Variants in ENOX1 observed in about 807,000 individuals in gnomAD.
The protein encoded by ENOX1 is candidate growth-related and time keeping constitutive hydroquinone (NADH) oxidase.
A neutral mutation model predicts 82.5 loss-of-function variants in ENOX1; 42 were observed. That is an observed-to-expected ratio of 0.51 (90% CI 0.40 to 0.66). ENOX1 has a LOEUF of 0.66. Ranked by LOEUF, ENOX1 falls within the 30% of genes least tolerant of loss-of-function variation. ENOX1 has a pLI of 0.00. For synonymous variants in ENOX1, 271 were observed against 282.2 expected, an observed-to-expected ratio of 0.96 and a Z score of 0.40; for missense variants, 608 against 811.6, an observed-to-expected ratio of 0.75 and a Z score of 3.05.
intron 1 of ENOX1, among the ~76,000 whole-genome samples, chr13:43,693,712 T>C (rs2086490147): frequency 6.6e-6 from 1 of 152,122 alleles, no homozygotes; most frequent in Non-Finnish European, 1.5e-5. Context: ...CATGCACAGG[T>C]TACCAGGACA....
intron 2 of ENOX1, among the ~76,000 whole-genome samples, chr13:43,534,039 T>C (rs1393214485): frequency 6.6e-6 from 1 of 152,178 alleles, no homozygotes; most frequent in Non-Finnish European, 1.5e-5. Context: ...GATTTTCAAG[T>C]GCAAAAGTTG....
At chr13:43,651,695 T>TAAAAAAA (rs57810969) in intron 2 of ENOX1, among the ~76,000 whole-genome samples, 4 of 96,936 alleles carry the variant, frequency 4.1e-5, no homozygotes, top group Non-Finnish European at 9.0e-5. Context: ...AGACTCTGTC[T>TAAAAAAA]AAAAAAAAAA....
At chr13:43,510,468 A>G (rs1255669117) in intron 2 of ENOX1, among the ~76,000 whole-genome samples, 1 of 152,136 alleles carries the variant, frequency 6.6e-6, no homozygotes, top group Non-Finnish European at 1.5e-5. Context: ...AATTTACTGT[A>G]AAGAGCAAAG....
intron 1 of ENOX1, among the ~76,000 whole-genome samples, chr13:43,735,827 T>C (rs1486425803): frequency 2.0e-5 from 3 of 152,150 alleles, no homozygotes; most frequent in Admixed American, 6.5e-5. Context: ...GAAACACATA[T>C]ATATAATCAC....
At chr13:43,303,510 C>T (rs1025025995) in intron 11 of ENOX1, among the ~76,000 whole-genome samples, 1 of 152,118 alleles carries the variant, frequency 6.6e-6, no homozygotes, top group Admixed American at 6.5e-5. Flanking sequence ...GCCATGTGAG[C>T]AGTCTCATCA....
chr13:43,605,655 T>C (rs1417469500), intron 2 of ENOX1, among the ~76,000 whole-genome samples: 1 of 152,070 alleles, frequency 6.6e-6, no homozygotes, highest in African/African-American at 2.4e-5. Flanking sequence ...AAAAATCAAA[T>C]AACAATGGAT....
At chr13:43,271,897 T>C (rs1206482938) in intron 12 of ENOX1, among the ~76,000 whole-genome samples, 4 of 152,176 alleles carry the variant, frequency 2.6e-5, no homozygotes, top group African/African-American at 9.7e-5. Context: ...TTGTTTTGTG[T>C]GTTTTTTTAT....
At chr13:43,320,026 G>C (rs535351882) in intron 11 of ENOX1, among the ~76,000 whole-genome samples, 126 of 152,322 alleles carry the variant, frequency 8.3e-4, no homozygotes, top group African/African-American at 3.0e-3. Context: ...TCAAGCAACA[G>C]TTAGCAGGGA....
chr13:43,637,546 G>A (rs1249290877), intron 2 of ENOX1, among the ~76,000 whole-genome samples: 5 of 151,852 alleles, frequency 3.3e-5, no homozygotes, highest in Admixed American at 3.3e-4. Flanking sequence ...TCTCCTCTCT[G>A]TCCTTCCTAG....
At chr13:43,768,707 A>G (rs952672868) in intron 1 of ENOX1, among the ~76,000 whole-genome samples, 2 of 152,256 alleles carry the variant, frequency 1.3e-5, no homozygotes, top group Admixed American at 1.3e-4. Context: ...TACATACACC[A>G]TATTACTTTA....
chr13:43,661,967 A>T (rs1321449338), intron 2 of ENOX1, among the ~76,000 whole-genome samples: 1 of 148,294 alleles, frequency 6.7e-6, no homozygotes, highest in Non-Finnish European at 1.5e-5. Context: ...AGACTGATTG[A>T]TGTTCTTCTG....
Position 43,703,860 on chromosome 13 carries a change from A to G in ENOX1, c.-284-36316T>C, listed in dbSNP as rs376750678. Among the ~76,000 whole-genome samples, 5 of 152,024 alleles carry G rather than the reference A, an allele frequency of 3.3e-5. No individual in the cohort carries two copies. The South Asian group carries it at 6.2e-4, about 19-fold the overall frequency. On this transcript the variant is annotated intron_variant, in intron 1 of 16. Transcript: ENST00000690772. Reference sequence around the variant, plus strand: ...AATGACATATATGTACATTATATATATATTTTTTTAAAAAACAGCTTTTTG... The same window carrying G: ...AATGACATATATGTACATTATATATGTATTTTTTTAAAAAACAGCTTTTTG...
At chr13:43,734,610 T>G (rs1180237093) in intron 1 of ENOX1, among the ~76,000 whole-genome samples, 1 of 152,154 alleles carries the variant, frequency 6.6e-6, no homozygotes, top group Non-Finnish European at 1.5e-5. Flanking sequence ...CGTCATGTGT[T>G]TTTCAGAATA....
intron 1 of ENOX1, among the ~76,000 whole-genome samples, chr13:43,684,402 G>A (rs1385877258): frequency 6.6e-6 from 1 of 152,108 alleles, no homozygotes; most frequent in Non-Finnish European, 1.5e-5. Flanking sequence ...TTGTCTAGAG[G>A]AAGGTTTTAA....
intron 13 of ENOX1, among the ~76,000 whole-genome samples, chr13:43,268,360 A>G (rs1395628536): frequency 2.6e-5 from 4 of 152,220 alleles, no homozygotes; most frequent in Admixed American, 2.6e-4. Context: ...TAGATTTTTC[A>G]TTTCAATCTA....
At chr13:43,576,210 G>A (rs1446553437) in intron 2 of ENOX1, among the ~76,000 whole-genome samples, 1 of 152,122 alleles carries the variant, frequency 6.6e-6, no homozygotes, top group African/African-American at 2.4e-5. Context: ...TGTTGTAATA[G>A]GACAACAGAA....
At position 43,604,279 on chromosome 13, in the gene ENOX1, T is replaced by C. The variant is rs562052623; in HGVS notation, c.-219+63200A>G. On this transcript the variant is annotated intron_variant, in intron 2 of 16. Transcript: ENST00000690772. ...GTTTGAGTTCATTGTAGATTCTGGA[T>C]ATTAGCCCTTTGTCAGATGAGTAGG... Among the ~76,000 whole-genome samples the C allele has an allele frequency of 8.5e-5, 13 of 152,176 alleles. No individual in the cohort carries two copies. The East Asian group carries it at 2.1e-3, about 25-fold the overall frequency.
chr13:43,604,901 A>G (rs1019279810), intron 2 of ENOX1, among the ~76,000 whole-genome samples: 1 of 152,216 alleles, frequency 6.6e-6, no homozygotes, highest in African/African-American at 2.4e-5. Flanking sequence ...AGAAATGATA[A>G]ATTTCAGTAA....
At chr13:43,603,385 ATTTAT>A (rs1186050235) in intron 2 of ENOX1, among the ~76,000 whole-genome samples, 2 of 148,090 alleles carry the variant, frequency 1.4e-5, no homozygotes, top group Non-Finnish European at 3.0e-5. Flanking sequence ...TTATTTATTT[ATTTAT>A]TTTATTATTA....
Sources: allele counts gnomAD v4.1 joint callset (sites outside exome capture counted in the v4.1 genomes callset), GRCh38; gene constraint gnomAD v4.1.1; transcripts MANE v1.5; gene names NCBI Gene and HGNC (gene_info 2026-07-23, HGNC 2026-07-21).